The following SOX5 variants were observed in gnomAD, a reference collection of about 807,000 sequenced individuals.
SOX5 encodes SRY-box transcription factor 5.
SOX5 carries 9 observed loss-of-function variants against 92.0 expected under a neutral mutation model. The observed-to-expected ratio is 0.10, with a 90% CI of 0.06 to 0.17. SOX5 has a LOEUF of 0.17. Among genes scored for constraint, SOX5 ranks in the 10% least tolerant of loss-of-function variants. The pLI, the probability that SOX5 is intolerant of heterozygous loss-of-function variation, is 1.00. For synonymous variants in SOX5, 344 were observed against 336.3 expected, an observed-to-expected ratio of 1.02 and a Z score of -0.25; for missense variants, 642 against 944.5, an observed-to-expected ratio of 0.68 and a Z score of 4.20.
rs113576795 is a variant in SOX5, at chr12:24,330,217, C to G, written c.-174+38346G>C. Among the ~76,000 whole-genome samples the G allele has an allele frequency of 7.2e-5, 11 of 152,128 alleles. 1 individual carries two copies. Among genetic ancestry groups the G allele is most frequent in the African/African-American group, 2.7e-4 (11 of 41,496 alleles). ...AAAAATTTCTGCCAAGTAAAATTAA[C>G]GCATCAATTATGACAATACATGTAA... On this transcript the variant is annotated intron_variant, in intron 2 of 4. Coordinates refer to the SOX5 transcript ENST00000446891.
At chr12:24,155,079 G>T (rs1360619885) in intron 4 of SOX5, among the ~76,000 whole-genome samples, 1 of 152,008 alleles carries the variant, frequency 6.6e-6, no homozygotes, top group Admixed American at 6.6e-5. Flanking sequence ...TTGAAAACAG[G>T]CATCATCGTA....
At chr12:23,911,204 C>G (rs976120488) in intron 1 of SOX5, among the ~76,000 whole-genome samples, 1 of 152,020 alleles carries the variant, frequency 6.6e-6, no homozygotes, top group African/African-American at 2.4e-5. Context: ...CCTTGCCTTT[C>G]CTTAAAATAC....
chr12:24,511,677 G>A (rs116045007), intron 1 of SOX5, among the ~76,000 whole-genome samples: 3,068 of 151,922 alleles, frequency 0.02, 108 homozygotes, highest in African/African-American at 0.071. Flanking sequence ...AAGTTTTTGC[G>A]GCCGGGCGCA....
chr12:24,181,524 G>A (rs965511277), intron 4 of SOX5, among the ~76,000 whole-genome samples: 20 of 152,116 alleles, frequency 1.3e-4, no homozygotes, highest in Admixed American at 1.1e-3. Flanking sequence ...CTTACTATCT[G>A]AGTCTGAGCA....
intron 1 of SOX5, among the ~76,000 whole-genome samples, chr12:23,926,011 C>G (rs1309298766): frequency 6.6e-6 from 1 of 152,056 alleles, no homozygotes; most frequent in Non-Finnish European, 1.5e-5. Flanking sequence ...GCTGTGAGAA[C>G]AGACTCAGTA....
intron 6 of SOX5, among the ~76,000 whole-genome samples, chr12:23,673,985 C>T (rs1041015465): frequency 9.9e-5 from 15 of 152,064 alleles, no homozygotes; most frequent in African/African-American, 3.4e-4. Flanking sequence ...TATAACTTCA[C>T]TAATACCTGA....
At chr12:23,678,949 A>G (rs549676644) in intron 6 of SOX5, among the ~76,000 whole-genome samples, 3 of 152,258 alleles carry the variant, frequency 2.0e-5, no homozygotes, top group African/African-American at 7.2e-5. Flanking sequence ...TGTATAAAAA[A>G]TTTTAAATGA....
chr12:24,514,287 A>T (rs1046990900), intron 1 of SOX5, among the ~76,000 whole-genome samples: 6 of 152,198 alleles, frequency 3.9e-5, no homozygotes, highest in African/African-American at 1.4e-4. Context: ...AATTTTATTG[A>T]ATATCTAAAT....
chr12:24,013,123 A>G (rs371466831), intron 4 of SOX5, among the ~76,000 whole-genome samples: 1 of 152,124 alleles, frequency 6.6e-6, no homozygotes, highest in South Asian at 2.1e-4. Flanking sequence ...GCCTTTATAA[A>G]GAGATGAGTT....
At chr12:23,905,576 A>G (rs1282173568) in intron 1 of SOX5, among the ~76,000 whole-genome samples, 1 of 152,200 alleles carries the variant, frequency 6.6e-6, no homozygotes, top group Admixed American at 6.5e-5. Flanking sequence ...AGTCCTGATA[A>G]ATAAAACAGA....
intron 1 of SOX5, among the ~76,000 whole-genome samples, chr12:23,897,665 G>A (rs986687534): frequency 3.9e-5 from 6 of 152,096 alleles, no homozygotes. Flanking sequence ...AGATTGCCTA[G>A]TAAAGGGTTT....
At chr12:24,388,522 G>A (rs943827400) in intron 1 of SOX5, among the ~76,000 whole-genome samples, 1 of 152,144 alleles carries the variant, frequency 6.6e-6, no homozygotes, top group African/African-American at 2.4e-5. Context: ...TTCAGGCCCA[G>A]GGGTGGTGAC....
chr12:24,201,822 T>C (rs1038479360), intron 4 of SOX5, among the ~76,000 whole-genome samples: 2 of 152,172 alleles, frequency 1.3e-5, no homozygotes, highest in African/African-American at 4.8e-5. Context: ...CTGTGCCCCT[T>C]ACTTCCTTTC....
intron 3 of SOX5, chr12:23,762,437 A>T (rs1482393390): frequency 5.0e-6 from 2 of 399,590 alleles, no homozygotes; most frequent in African/African-American, 4.1e-5. Flanking sequence ...AACACATACC[A>T]CAACAAACAA....
At chr12:23,745,495 T>G (rs1411221101) in intron 4 of SOX5, among the ~76,000 whole-genome samples, 1 of 152,136 alleles carries the variant, frequency 6.6e-6, no homozygotes, top group African/African-American at 2.4e-5. Flanking sequence ...AAGTCATTAT[T>G]GCGAATTAAC....
At chr12:24,029,529 C>T (rs929300918) in intron 4 of SOX5, among the ~76,000 whole-genome samples, 9 of 151,872 alleles carry the variant, frequency 5.9e-5, no homozygotes, top group Non-Finnish European at 1.3e-4. Context: ...CCCACTTCAG[C>T]CTCCCAAAGC....
At chr12:24,485,949 T>C (rs143085892) in intron 1 of SOX5, among the ~76,000 whole-genome samples, 2,767 of 152,252 alleles carry the variant, frequency 0.018, 32 homozygotes, top group Middle Eastern at 0.034. Context: ...CTTTCTGTTG[T>C]TGTTGTTGTT....
chr12:23,648,906 T>C (rs2081210863), intron 7 of SOX5, among the ~76,000 whole-genome samples: 1 of 152,182 alleles, frequency 6.6e-6, no homozygotes, highest in Non-Finnish European at 1.5e-5. Flanking sequence ...TCATATATAG[T>C]TTCAAATATA....
At chr12:23,910,364 G>A (rs1382990724) in intron 1 of SOX5, among the ~76,000 whole-genome samples, 2 of 152,148 alleles carry the variant, frequency 1.3e-5, no homozygotes, top group Admixed American at 1.3e-4. Flanking sequence ...GTTAGGCTAA[G>A]CTAATTAATC....
Sources: gnomAD v4.1 joint callset for allele counts (sites outside exome capture counted in the v4.1 genomes callset) on GRCh38, gnomAD v4.1.1 for gene constraint, MANE v1.5 for transcripts, NCBI Gene and HGNC (gene_info 2026-07-23, HGNC 2026-07-21) for gene names.